Variants in FAM81A observed in about 807,000 individuals in gnomAD.
FAM81A encodes the protein family with sequence similarity 81 member A, also known as protein FAM81A.
Under a neutral mutation model 46.7 loss-of-function variants are expected in FAM81A, and 19 were observed. The ratio of observed to expected loss-of-function variants is 0.41; its 90% CI spans 0.28 to 0.60. The LOEUF (loss-of-function observed/expected upper bound fraction) is 0.60, where lower values mean the gene tolerates loss of function less well. FAM81A is among the 20% of genes least tolerant of loss of function. The pLI, the probability that FAM81A is intolerant of heterozygous loss-of-function variation, is 0.34. For missense variants in FAM81A, 377 were observed against 453.5 expected, an observed-to-expected ratio of 0.83 and a Z score of 1.53; for synonymous variants, 183 against 152.9, an observed-to-expected ratio of 1.20 and a Z score of -1.45.
intron 3 of FAM81A, among the ~76,000 whole-genome samples, chr15:59,471,275 T>C (rs1360785440): frequency 6.6e-5 from 10 of 152,246 alleles, no homozygotes; most frequent in African/African-American, 2.4e-4. Flanking sequence ...TGTCAGTTTT[T>C]GCTTCCTGTA....
chr15:59,447,755 A>G lies in FAM81A; in HGVS notation c.-78+9473A>G, dbSNP rs140082680. On this transcript the variant is annotated intron_variant, in intron 1 of 8. Transcript: ENST00000288228. ...CCACACCACAGAGATAATTCCAGCA[A>G]TTTGGCAGGGGGAAAGTTGGTAGGA... is the stretch of plus-strand genomic sequence containing the variant. Among the ~76,000 whole-genome samples, 33 of 152,274 alleles carry G rather than the reference A, an allele frequency of 2.2e-4. No homozygotes were observed. In the East Asian group the frequency reaches 6.0e-3, roughly 28 times the overall value.
rs1476533594 is a variant in FAM81A, at chr15:59,460,452, T to C, written c.294+246T>C. On this transcript the variant is annotated intron_variant, in intron 3 of 8. Coordinates refer to ENST00000288228, the MANE Select transcript of FAM81A (RefSeq NM_152450.3). The surrounding 1 kb of genome is among the most constrained non-coding windows in gnomAD (Gnocchi z 4.4). The stretch of plus-strand genomic sequence containing the variant: ...TAATCTAAATTTACCTTGCTGATTA[T>C]TAAATGATTTTATTTTGTTTGGCTC... 7 of 575,766 alleles carry C rather than the reference T, an allele frequency of 1.2e-5. No individual in the cohort carries two copies. The highest frequency in any genetic ancestry group is 1.9e-5 in the South Asian group (1 of 52,560). 35.7% of individuals were successfully genotyped at this position (575,766 alleles called of 1,614,324 possible). A position where few individuals can be genotyped will look rare whatever the true frequency, so the allele number is the denominator to read the frequency against.
rs182322685 is a variant in FAM81A, at chr15:59,519,952, G to A, written c.983-1302G>A. Among the ~76,000 whole-genome samples the A allele has an allele frequency of 1.8e-3, 274 of 152,222 alleles. 1 individual carries two copies. Among genetic ancestry groups the A allele is most frequent in the African/African-American group, 6.2e-3 (259 of 41,524 alleles). ...AGTAGTGAGATTGCTGGGTCGTATG[G>A]TAGTTCTATTTTAAATTTCTTTAGT... is the stretch of plus-strand genomic sequence containing the variant. On this transcript the variant is annotated intron_variant, in intron 8 of 8. Transcript: ENST00000288228.
intron 7 of FAM81A, among the ~76,000 whole-genome samples, chr15:59,515,694 C>T (rs1325601048): frequency 6.6e-6 from 1 of 151,892 alleles, no homozygotes; most frequent in Non-Finnish European, 1.5e-5. Context: ...CCCATATTTC[C>T]ATCACATCTA....
chr15:59,459,227 TG>T (rs1477312022), intron 2 of FAM81A, among the ~76,000 whole-genome samples: 3 of 152,186 alleles, frequency 2.0e-5, no homozygotes, highest in Non-Finnish European at 4.4e-5. Context: ...CTTAAACTCC[TG>T]GGCTCAAGCA....
intron 2 of FAM81A, among the ~76,000 whole-genome samples, chr15:59,430,606 AGT>A (rs2081215844): frequency 6.6e-6 from 1 of 152,164 alleles, no homozygotes; most frequent in African/African-American, 2.4e-5. Context: ...CAGTCATGTC[AGT>A]GGGGCAGGAA....
At chr15:59,454,652 G>T (rs1243343059) in intron 1 of FAM81A, among the ~76,000 whole-genome samples, 1 of 151,876 alleles carries the variant, frequency 6.6e-6, no homozygotes, top group Non-Finnish European at 1.5e-5. Flanking sequence ...TTGAGACAGG[G>T]TCTTACTCTG....
intron 3 of FAM81A, among the ~76,000 whole-genome samples, chr15:59,469,983 A>G (rs906278498): frequency 2.6e-5 from 4 of 151,826 alleles, no homozygotes; most frequent in Non-Finnish European, 5.9e-5. Flanking sequence ...GAAGCTGGAT[A>G]TGAAATTCTG....
chr15:59,512,046 A>G (rs868303478), intron 6 of FAM81A, among the ~76,000 whole-genome samples: 1 of 152,256 alleles, frequency 6.6e-6, no homozygotes, highest in African/African-American at 2.4e-5. Context: ...TATTCATAAA[A>G]TTGAATATTA....
chr15:59,498,497 A>C (rs149970289), intron 4 of FAM81A, among the ~76,000 whole-genome samples: 1 of 152,202 alleles, frequency 6.6e-6, no homozygotes, highest in Non-Finnish European at 1.5e-5. Flanking sequence ...TTTACTTTCC[A>C]ATCAGGATTT....
chr15:59,421,729 G>A (rs62015023), intron 2 of FAM81A, among the ~76,000 whole-genome samples: 1,420 of 128,702 alleles, frequency 0.011, 12 homozygotes, highest in South Asian at 0.02. Flanking sequence ...CTGTCTGTCT[G>A]TCTATCTATC....
chr15:59,518,033 C>T (rs1384737422), intron 8 of FAM81A, among the ~76,000 whole-genome samples: 2 of 150,418 alleles, frequency 1.3e-5, no homozygotes, highest in Non-Finnish European at 3.0e-5. Flanking sequence ...AGTGCAGTGG[C>T]GTGATCTTGG....
chr15:59,485,171 G>A (rs765024668), intron 3 of FAM81A, among the ~76,000 whole-genome samples: 33 of 152,164 alleles, frequency 2.2e-4, no homozygotes, highest in Admixed American at 1.2e-3. Context: ...CTGGACCTGC[G>A]TGGAGCCTGG....
Position 59,483,628 on chromosome 15 carries a change from T to A in FAM81A, c.295-8643T>A, listed in dbSNP as rs554966174. On this transcript the variant is annotated intron_variant, in intron 3 of 8. Coordinates refer to ENST00000288228, the MANE Select transcript of FAM81A (RefSeq NM_152450.3). The stretch of plus-strand genomic sequence containing the variant: ...TCAGTACATCAGAAACCATCAAAAT[T>A]TCTAGAAATAAGTAGTAACAAGCAG... Among the ~76,000 whole-genome samples, 22 of 152,210 alleles carry A rather than the reference T, an allele frequency of 1.4e-4. 2 individuals carry two copies. In the South Asian group the frequency reaches 3.7e-3, roughly 26 times the overall value.
At chr15:59,417,243 G>A (rs761681383) in intron 2 of FAM81A, among the ~76,000 whole-genome samples, 22 of 152,046 alleles carry the variant, frequency 1.4e-4, no homozygotes, top group African/African-American at 1.2e-4. Flanking sequence ...TGTCCCTCTC[G>A]GAGCCTGAGG....
chr15:59,509,730 G>A (rs1177734887), intron 6 of FAM81A, among the ~76,000 whole-genome samples: 1 of 152,156 alleles, frequency 6.6e-6, no homozygotes, highest in Non-Finnish European at 1.5e-5. Flanking sequence ...AGTGAATGGG[G>A]CTTTGCTCTG....
intron 1 of FAM81A, among the ~76,000 whole-genome samples, chr15:59,457,750 CAG>C (rs1222615556): frequency 6.6e-5 from 10 of 152,080 alleles, no homozygotes; most frequent in African/African-American, 2.4e-4. Flanking sequence ...GACGCCAAAA[CAG>C]TGATTTCAAT....
chr15:59,453,670 A>C (rs1199250251), intron 1 of FAM81A, among the ~76,000 whole-genome samples: 1 of 152,142 alleles, frequency 6.6e-6, no homozygotes, highest in South Asian at 2.1e-4. Flanking sequence ...GAAAACAGGC[A>C]GTAAAAATGG....
At chr15:59,426,301 T>A (rs769206585) in intron 2 of FAM81A, among the ~76,000 whole-genome samples, 11 of 151,666 alleles carry the variant, frequency 7.3e-5, no homozygotes, top group Non-Finnish European at 1.5e-4. Flanking sequence ...AAAAAAAAAA[T>A]TGGCTCTAAG....
Sources: allele counts gnomAD v4.1 joint callset (sites outside exome capture counted in the v4.1 genomes callset), GRCh38; gene constraint gnomAD v4.1.1; non-coding constraint Gnocchi (gnomAD v3.1); transcripts MANE v1.5; gene names NCBI Gene and HGNC (gene_info 2026-07-23, HGNC 2026-07-21).